NTRK3: variants seen among roughly 807,000 people sequenced by gnomAD.
NTRK3 encodes the protein NT-3 growth factor receptor.
NTRK3 carries 24 observed loss-of-function variants against 91.7 expected under a neutral mutation model. The ratio of observed to expected loss-of-function variants is 0.26; its 90% CI spans 0.19 to 0.37. The LOEUF (loss-of-function observed/expected upper bound fraction) is 0.37, where lower values mean the gene tolerates loss of function less well. Ranked by LOEUF, NTRK3 falls within the 10% of genes least tolerant of loss-of-function variation. The pLI is 1.00. For missense variants in NTRK3, 880 were observed against 1,068.9 expected, an observed-to-expected ratio of 0.82 and a Z score of 2.46; for synonymous variants, 483 against 404.0, an observed-to-expected ratio of 1.20 and a Z score of -2.34.
rs1245166303 is a variant in NTRK3 at position 88,235,753 on chromosome 15, T to C, written c.248+20153A>G. Among the ~76,000 whole-genome samples the C allele has an allele frequency of 1.3e-5, 2 of 152,210 alleles. No homozygotes were observed. Among genetic ancestry groups the C allele is most frequent in the Non-Finnish European group, 1.5e-5 (1 of 68,038 alleles). On this transcript the variant is annotated intron_variant, in intron 3 of 18. Coordinates refer to ENST00000394480, the Ensembl canonical transcript of NTRK3. This position sits in a 1 kb window ranked among gnomAD's most constrained non-coding sequence, Gnocchi z 5.2. Reference sequence around the variant, plus strand: ...GCCCTTGAGAAGTCAGTCATCTGTTTTCTGCCTGCTTCACTCCTCTGCAAA... The same window carrying C: ...GCCCTTGAGAAGTCAGTCATCTGTTCTCTGCCTGCTTCACTCCTCTGCAAA...
chr15:88,201,385 G>A (rs765435514), intron 3 of NTRK3, among the ~76,000 whole-genome samples: 1 of 152,132 alleles, frequency 6.6e-6, no homozygotes, highest in Non-Finnish European at 1.5e-5. Flanking sequence ...GTTGTCCCTC[G>A]GTTCTAAGGG....
intron 3 of NTRK3, among the ~76,000 whole-genome samples, chr15:88,210,565 C>G (rs1217731848): frequency 6.6e-6 from 1 of 152,222 alleles, no homozygotes; most frequent in Non-Finnish European, 1.5e-5. Context: ...AGGAACAACT[C>G]TCCCAGGTGG....
At chr15:88,141,046 A>T (rs2042340093) in intron 6 of NTRK3, among the ~76,000 whole-genome samples, 1 of 152,158 alleles carries the variant, frequency 6.6e-6, no homozygotes, top group African/African-American at 2.4e-5. Flanking sequence ...CAGAAGAGAA[A>T]GAAAAGAACC....
At chr15:87,981,506 G>A in intron 14 of NTRK3, 2 of 1,030,712 alleles carry the variant, frequency 1.9e-6, no homozygotes, top group Non-Finnish European at 2.9e-6. Context: ...TGCTGTGCCT[G>A]TAGTGGCAGC....
intron 14 of NTRK3, among the ~76,000 whole-genome samples, chr15:87,994,009 T>C (rs947021776): frequency 5.3e-5 from 8 of 152,262 alleles, no homozygotes; most frequent in African/African-American, 1.9e-4. Flanking sequence ...AGTTTAGTCA[T>C]GGGGTCCTAA....
chr15:88,047,410 GAGTT>G (rs1234030829), intron 13 of NTRK3, among the ~76,000 whole-genome samples: 11 of 152,142 alleles, frequency 7.2e-5, no homozygotes, highest in African/African-American at 2.4e-4. Context: ...CTATAGTAGT[GAGTT>G]AGCCCTGGTA....
chr15:87,921,363 C>T (rs958748118), intron 17 of NTRK3, among the ~76,000 whole-genome samples: 48 of 152,176 alleles, frequency 3.2e-4, no homozygotes, highest in African/African-American at 1.1e-3. Flanking sequence ...TTAGGAGTAC[C>T]TAATGGCTAA....
chr15:88,056,583 TC>T (rs2045714262), intron 13 of NTRK3, among the ~76,000 whole-genome samples: 1 of 152,178 alleles, frequency 6.6e-6, no homozygotes, highest in Non-Finnish European at 1.5e-5. Flanking sequence ...ATTAAAATAA[TC>T]TCACATGAAT....
intron 13 of NTRK3, among the ~76,000 whole-genome samples, chr15:88,093,984 G>T (rs1301491631): frequency 6.6e-6 from 1 of 152,142 alleles, no homozygotes; most frequent in African/African-American, 2.4e-5. Flanking sequence ...AAGGTCACCT[G>T]TGTGGTGGTG....
intron 13 of NTRK3, among the ~76,000 whole-genome samples, chr15:88,090,202 A>T (rs2048888991): frequency 6.6e-6 from 1 of 152,144 alleles, no homozygotes; most frequent in Non-Finnish European, 1.5e-5. Flanking sequence ...CTTAGCACTT[A>T]TCACTACCTG....
chr15:88,040,621 C>T (rs1044085792), intron 13 of NTRK3, among the ~76,000 whole-genome samples: 2 of 152,186 alleles, frequency 1.3e-5, no homozygotes, highest in Non-Finnish European at 2.9e-5. Context: ...CTATGACTTA[C>T]AGATCATTGA....
rs528613430 is a variant in NTRK3 at position 87,989,106 on chromosome 15, G to C, written c.1585+43751C>G. On this transcript the variant is annotated intron_variant, in intron 14 of 18. Transcript: ENST00000394480. ...GGAAGACAGTGTGGCAATTCCTCAA[G>C]GATCTAGAACTAGAGATACCATTTG... Among the ~76,000 whole-genome samples, 18 of 152,156 alleles carry C rather than the reference G, an allele frequency of 1.2e-4. No individual in the cohort carries two copies. In the East Asian group the frequency reaches 3.1e-3, roughly 26 times the overall value.
chr15:88,188,552 G>C (rs2047135242), intron 3 of NTRK3, among the ~76,000 whole-genome samples: 2 of 152,168 alleles, frequency 1.3e-5, no homozygotes, highest in African/African-American at 2.4e-5. Context: ...TGCCTAAGAG[G>C]GCTATTAAAG....
chr15:87,988,022 A>G (rs1011526557), intron 14 of NTRK3, among the ~76,000 whole-genome samples: 1 of 152,130 alleles, frequency 6.6e-6, no homozygotes, highest in Admixed American at 6.6e-5. Context: ...TTGAGTGTAC[A>G]CTGTTATTGG....
At chr15:88,212,929 C>T (rs750732218) in intron 3 of NTRK3, among the ~76,000 whole-genome samples, 1 of 152,286 alleles carries the variant, frequency 6.6e-6, no homozygotes, top group African/African-American at 2.4e-5. Flanking sequence ...AGAAACAGCC[C>T]CAGGAAAGCT....
At chr15:88,026,335 A>T (rs2078036156) in intron 14 of NTRK3, among the ~76,000 whole-genome samples, 1 of 152,220 alleles carries the variant, frequency 6.6e-6, no homozygotes, top group Non-Finnish European at 1.5e-5. Context: ...AGCCAGGAAA[A>T]GACATGGAGG....
chr15:87,914,076 T>G (rs1441901946), intron 17 of NTRK3, among the ~76,000 whole-genome samples: 1 of 152,222 alleles, frequency 6.6e-6, no homozygotes, highest in African/African-American at 2.4e-5. Flanking sequence ...TAGGCTTTCT[T>G]AGCTGGATGT....
chr15:88,084,070 T>C (rs1479646209), intron 13 of NTRK3, among the ~76,000 whole-genome samples: 2 of 151,860 alleles, frequency 1.3e-5, no homozygotes, highest in Admixed American at 6.6e-5. Flanking sequence ...GTAAGAGCCA[T>C]TTCATGTCCA....
At chr15:88,082,912 AAC>A (rs754145352) in intron 13 of NTRK3, among the ~76,000 whole-genome samples, 19 of 152,284 alleles carry the variant, frequency 1.2e-4, no homozygotes, top group Admixed American at 2.0e-4. Flanking sequence ...GCAAAACAAC[AAC>A]ACAGAGAAGC....
Sources: gnomAD v4.1 joint callset for allele counts (sites outside exome capture counted in the v4.1 genomes callset) on GRCh38, gnomAD v4.1.1 for gene constraint, Gnocchi (gnomAD v3.1) non-coding constraint, MANE v1.5 for transcripts, NCBI Gene and HGNC (gene_info 2026-07-23, HGNC 2026-07-21) for gene names.